TNIK: variants seen among roughly 807,000 people sequenced by gnomAD.
The protein encoded by TNIK is TRAF2 and NCK interacting kinase.
In TNIK, 49 loss-of-function variants were observed where a neutral mutation model predicts 191.3. That is an observed-to-expected ratio of 0.26 (90% CI 0.20 to 0.32). TNIK has a LOEUF of 0.32. Among genes scored for constraint, TNIK ranks in the 10% least tolerant of loss-of-function variants. The pLI is 1.00. For synonymous variants in TNIK, 594 were observed against 600.9 expected (o/e 0.99, Z 0.17); for missense variants, 1,155 against 1,702.3 (o/e 0.68, Z 5.66).
At position 171,246,882 on chromosome 3, in the gene TNIK, G is replaced by C. The variant is rs140846653; in HGVS notation, c.124-18661C>G. 1.6e-4 allele frequency among the ~76,000 whole-genome samples: 24 copies of C among 152,318 alleles called. No individual in the cohort carries two copies. In the East Asian group the frequency reaches 4.6e-3, roughly 29 times the overall value. On this transcript the variant is annotated intron_variant, in intron 2 of 32. Coordinates refer to ENST00000436636, the MANE Select transcript of TNIK (RefSeq NM_015028.4). ...CAGAGCAACCAACTCAGACTGGGCT[G>C]AACAGAAATGGTAGCAAAAGTAGGA...
chr3:171,246,042 C>T (rs765790421), intron 2 of TNIK, among the ~76,000 whole-genome samples: 3 of 152,038 alleles, frequency 2.0e-5, no homozygotes, highest in Non-Finnish European at 4.4e-5. Context: ...GAGGGTGCAG[C>T]TTCAGATAGA....
intron 12 of TNIK, among the ~76,000 whole-genome samples, chr3:171,154,652 T>A (rs1241023006): frequency 6.6e-6 from 1 of 152,238 alleles, no homozygotes; most frequent in Non-Finnish European, 1.5e-5. Context: ...CCTAACTCCA[T>A]GATACAGAAT....
intron 6 of TNIK, 135 bp downstream of exon 6, chr3:171,190,558 CAAAG>C (rs1223661029): frequency 1.6e-6 from 1 of 626,058 alleles, no homozygotes. Flanking sequence ...TTAAAATAGG[CAAAG>C]AAACATTTTC....
chr3:171,289,901 CAAAAAA>C (rs143704401), intron 2 of TNIK, among the ~76,000 whole-genome samples: 21 of 77,872 alleles, frequency 2.7e-4, no homozygotes, highest in African/African-American at 5.0e-4. Context: ...GACTCCGTCT[CAAAAAA>C]AAAAAAAAAA....
chr3:171,302,359 C>T (rs1258074389), intron 2 of TNIK, among the ~76,000 whole-genome samples: 2 of 152,144 alleles, frequency 1.3e-5, no homozygotes, highest in African/African-American at 2.4e-5. Flanking sequence ...TATCTATAGA[C>T]TTAGAATAAA....
chr3:171,434,308 G>T (rs1725746894), intron 1 of TNIK, among the ~76,000 whole-genome samples: 1 of 151,824 alleles, frequency 6.6e-6, no homozygotes, highest in South Asian at 2.1e-4. Context: ...ATTGATTTGG[G>T]TATATTTATT....
chr3:171,440,579 T>A (rs1331070847), intron 1 of TNIK, among the ~76,000 whole-genome samples: 1 of 152,222 alleles, frequency 6.6e-6, no homozygotes, highest in African/African-American at 2.4e-5. Flanking sequence ...AATGGTTAGA[T>A]CATAGAAGGT....
At chr3:171,358,220 A>G (rs1714431842) in intron 2 of TNIK, among the ~76,000 whole-genome samples, 2 of 152,210 alleles carry the variant, frequency 1.3e-5, no homozygotes, top group African/African-American at 4.8e-5. Flanking sequence ...TTAATATAGA[A>G]AATGTATTAG....
chr3:171,085,958 T>C (rs1024011987), intron 24 of TNIK, among the ~76,000 whole-genome samples: 1 of 152,114 alleles, frequency 6.6e-6, no homozygotes, highest in Non-Finnish European at 1.5e-5. Flanking sequence ...CAGAAGGAGA[T>C]GAGGGAACAG....
At chr3:171,398,851 C>T (rs781220440) in intron 1 of TNIK, among the ~76,000 whole-genome samples, 5 of 152,150 alleles carry the variant, frequency 3.3e-5, no homozygotes, top group Admixed American at 1.3e-4. Flanking sequence ...CCCCTCCGTA[C>T]GAAAGAAATA....
intron 22 of TNIK, among the ~76,000 whole-genome samples, chr3:171,100,715 A>G (rs888361199): frequency 3.0e-5 from 4 of 133,152 alleles, no homozygotes; most frequent in African/African-American, 1.4e-4. Flanking sequence ...CTCCAATAAG[A>G]AAAAAAAAAA....
At chr3:171,065,227 T>C (rs553197701) in intron 32 of TNIK, among the ~76,000 whole-genome samples, 1 of 152,324 alleles carries the variant, frequency 6.6e-6, no homozygotes, top group East Asian at 1.9e-4. Context: ...AGGTTATGTT[T>C]GTTTTCTGGG....
intron 2 of TNIK, among the ~76,000 whole-genome samples, chr3:171,351,387 G>C (rs2108439400): frequency 6.6e-6 from 1 of 151,986 alleles, no homozygotes; most frequent in South Asian, 2.1e-4. Context: ...CTCAACCATT[G>C]AAAGAAGGTC....
intron 23 of TNIK, among the ~76,000 whole-genome samples, chr3:171,090,499 A>G (rs1721929829): frequency 6.7e-6 from 1 of 148,436 alleles, no homozygotes; most frequent in South Asian, 2.1e-4. Context: ...AAGAGCCTTC[A>G]TGATGACAAG....
chr3:171,448,062 G>A (rs190053588), intron 1 of TNIK, among the ~76,000 whole-genome samples: 6 of 152,220 alleles, frequency 3.9e-5, no homozygotes, highest in Admixed American at 3.3e-4. Flanking sequence ...AAATAATATG[G>A]GGGAGAAGGT....
At chr3:171,297,029 TGCAGTTTACC>T (rs1577388427) in intron 2 of TNIK, among the ~76,000 whole-genome samples, 2 of 152,178 alleles carry the variant, frequency 1.3e-5, no homozygotes, top group African/African-American at 4.8e-5. Context: ...TTCCCTGATG[TGCAGTTTACC>T]GCAGTCCTTG....
At chr3:171,169,635 A>G (rs1196979838) in intron 9 of TNIK, among the ~76,000 whole-genome samples, 2 of 152,232 alleles carry the variant, frequency 1.3e-5, no homozygotes, top group African/African-American at 4.8e-5. Context: ...AAGAAATCAC[A>G]TTCAATTTAA....
rs189367256 is a variant in TNIK, at chr3:171,271,185, T to C, written c.124-42964A>G. 3.3e-3 allele frequency among the ~76,000 whole-genome samples: 498 copies of C among 152,354 alleles called. 2 individuals are homozygous for C. The highest frequency in any genetic ancestry group is 5.5e-3 in the Non-Finnish European group (376 of 68,024). The stretch of plus-strand genomic sequence containing the variant: ...CAGTCTTCAAGTTCTGCAACAATTC[T>C]TTTCTAATTGCGCACGTTTCCTACC... On this transcript the variant is annotated intron_variant, in intron 2 of 32. Transcript: ENST00000436636.
chr3:171,307,804 A>C (rs1753610983), intron 2 of TNIK, among the ~76,000 whole-genome samples: 1 of 152,180 alleles, frequency 6.6e-6, no homozygotes, highest in Admixed American at 6.5e-5. Flanking sequence ...CATGAGGTCA[A>C]GACATCTTTA....
Sources: allele counts gnomAD v4.1 joint callset (sites outside exome capture counted in the v4.1 genomes callset), GRCh38; gene constraint gnomAD v4.1.1; transcripts MANE v1.5; gene names NCBI Gene and HGNC (gene_info 2026-07-23, HGNC 2026-07-21).